TNR: variants seen among roughly 807,000 people sequenced by gnomAD.
TNR encodes the protein tenascin-R.
TNR carries 45 observed loss-of-function variants against 150.4 expected under a neutral mutation model. That is an observed-to-expected ratio of 0.30 (90% CI 0.24 to 0.38). TNR has a LOEUF of 0.38. TNR is among the 10% of genes least tolerant of loss of function. The pLI, the probability that TNR is intolerant of heterozygous loss-of-function variation, is 1.00. For synonymous variants in TNR, 687 were observed against 678.4 expected, an observed-to-expected ratio of 1.01 and a Z score of -0.20; for missense variants, 1,544 against 1,759.1, an observed-to-expected ratio of 0.88 and a Z score of 2.19.
chr1:175,552,762 T>TA (rs1272109048), intron 1 of TNR, among the ~76,000 whole-genome samples: 4 of 152,236 alleles, frequency 2.6e-5, no homozygotes, highest in African/African-American at 9.6e-5. Flanking sequence ...CCTAACTTTT[T>TA]CCTTCCTGTT....
chr1:175,328,377 G>A (rs1649532652), intron 21 of TNR, among the ~76,000 whole-genome samples: 1 of 152,194 alleles, frequency 6.6e-6, no homozygotes, highest in Non-Finnish European at 1.5e-5. Context: ...GGGAGCAGGA[G>A]AAAAGGCTGA....
At chr1:175,737,068 A>C (rs543722088) in intron 1 of TNR, among the ~76,000 whole-genome samples, 2 of 152,206 alleles carry the variant, frequency 1.3e-5, no homozygotes, top group East Asian at 1.9e-4. Context: ...AACAACAACA[A>C]CACAAAGTAG....
chr1:175,683,011 C>T (rs1456816536), intron 1 of TNR, among the ~76,000 whole-genome samples: 1 of 152,192 alleles, frequency 6.6e-6, no homozygotes. Context: ...CAGATATTCC[C>T]AGAAACAATG....
intron 9 of TNR, among the ~76,000 whole-genome samples, chr1:175,379,035 C>T (rs13374046): frequency 0.065 from 9,818 of 152,020 alleles, 547 homozygotes; most frequent in East Asian, 0.31. Flanking sequence ...CAAAATTAGC[C>T]GGGCGTGGTG....
At chr1:175,346,418 C>A (rs1466962475) in intron 18 of TNR, among the ~76,000 whole-genome samples, 1 of 151,954 alleles carries the variant, frequency 6.6e-6, no homozygotes, top group Non-Finnish European at 1.5e-5. Context: ...TGGATTGTTA[C>A]ACAAAGATGC....
intron 7 of TNR, among the ~76,000 whole-genome samples, chr1:175,386,592 G>A (rs1011826480): frequency 6.6e-6 from 1 of 152,116 alleles, no homozygotes; most frequent in African/African-American, 2.4e-5. Flanking sequence ...TTGCTGGCTT[G>A]AAAGAGTCAG....
intron 1 of TNR, among the ~76,000 whole-genome samples, chr1:175,695,310 G>C (rs566842105): frequency 6.6e-6 from 1 of 152,312 alleles, no homozygotes; most frequent in African/African-American, 2.4e-5. Context: ...GAGAGATCCT[G>C]TACACAGATT....
At chr1:175,481,874 T>TG (rs1054927166) in intron 2 of TNR, among the ~76,000 whole-genome samples, 4 of 152,140 alleles carry the variant, frequency 2.6e-5, no homozygotes, top group Non-Finnish European at 4.4e-5. Context: ...ACTGTCCTGC[T>TG]GCCTCCTGCT....
intron 1 of TNR, among the ~76,000 whole-genome samples, chr1:175,626,831 A>G (rs1183023056): frequency 6.6e-6 from 1 of 152,232 alleles, no homozygotes; most frequent in East Asian, 1.9e-4. Context: ...AGATGAAATC[A>G]TGCAGGATTA....
chr1:175,595,573 A>G (rs1662976489), intron 1 of TNR, among the ~76,000 whole-genome samples: 1 of 152,158 alleles, frequency 6.6e-6, no homozygotes, highest in East Asian at 1.9e-4. Flanking sequence ...CTTTGCAACT[A>G]TTTCCCATCC....
At chr1:175,477,674 G>A (rs1171053692) in intron 2 of TNR, among the ~76,000 whole-genome samples, 2 of 152,180 alleles carry the variant, frequency 1.3e-5, no homozygotes, top group Middle Eastern at 3.2e-3. Context: ...GGCCAGTCAG[G>A]GATTAAGTGG....
intron 2 of TNR, among the ~76,000 whole-genome samples, chr1:175,480,072 C>CACTAATGAGGCCTTCCTCCCAGACTCAGA (rs1657715900): frequency 6.6e-6 from 1 of 151,988 alleles, no homozygotes; most frequent in Non-Finnish European, 1.5e-5. Context: ...TGCCCATGTA[C>CACTAATGAGGCCTTCCTCCCAGACTCAGA]ACTAATGAGG....
At chr1:175,345,266 G>A (rs938751790) in intron 18 of TNR, among the ~76,000 whole-genome samples, 37 of 152,220 alleles carry the variant, frequency 2.4e-4, no homozygotes, top group African/African-American at 8.4e-4. Context: ...TCCTTCACAT[G>A]TCTGTGGCCT....
At chr1:175,482,478 A>C (rs2102129662) in intron 2 of TNR, among the ~76,000 whole-genome samples, 1 of 152,328 alleles carries the variant, frequency 6.6e-6, no homozygotes, top group East Asian at 1.9e-4. Flanking sequence ...TATCTTATTA[A>C]ATTTAAAAAG....
chr1:175,509,716 T>C lies in TNR; in HGVS notation c.-64+18553A>G, dbSNP rs192780743. 3.9e-5 allele frequency among the ~76,000 whole-genome samples: 6 copies of C among 152,354 alleles called. No homozygotes were observed. The South Asian group carries it at 6.2e-4, about 16-fold the overall frequency. On this transcript the variant is annotated intron_variant, in intron 2 of 22. Transcript: ENST00000367674. Reference sequence around the variant, plus strand: ...AACCTAAAGAGTTAAGAATTCATAGTCTGATGTTAGCTTGAAAGTGCTGTA... The same window carrying C: ...AACCTAAAGAGTTAAGAATTCATAGCCTGATGTTAGCTTGAAAGTGCTGTA...
At chr1:175,367,960 G>A (rs554136420) in intron 9 of TNR, among the ~76,000 whole-genome samples, 25 of 152,188 alleles carry the variant, frequency 1.6e-4, no homozygotes, top group Non-Finnish European at 3.4e-4. Flanking sequence ...CAGGAAGACA[G>A]AGGAGACACA....
At chr1:175,531,384 G>A (rs1162720994) in intron 1 of TNR, among the ~76,000 whole-genome samples, 1 of 152,172 alleles carries the variant, frequency 6.6e-6, no homozygotes, top group African/African-American at 2.4e-5. Context: ...CATATAACTG[G>A]TGACAAGGCA....
chr1:175,665,630 T>A (rs866615013), intron 1 of TNR, among the ~76,000 whole-genome samples: 10 of 152,216 alleles, frequency 6.6e-5, no homozygotes, highest in African/African-American at 2.4e-4. Context: ...ATTCTACTGA[T>A]GAAAAGGAAA....
intron 1 of TNR, among the ~76,000 whole-genome samples, chr1:175,668,754 A>T (rs766846658): frequency 6.8e-4 from 103 of 152,368 alleles, no homozygotes; most frequent in Non-Finnish European, 1.2e-3. Context: ...CAAAGAAAGC[A>T]GCCTTACCTT....
Sources: gnomAD v4.1 joint callset for allele counts (sites outside exome capture counted in the v4.1 genomes callset) on GRCh38, gnomAD v4.1.1 for gene constraint, MANE v1.5 for transcripts, NCBI Gene and HGNC (gene_info 2026-07-23, HGNC 2026-07-21) for gene names.